Variants in SLC25A48 observed in about 807,000 individuals in gnomAD.
SLC25A48 encodes the protein solute carrier family 25 member 48, also known as CTC-321K16.1.
A neutral mutation model predicts 32.2 loss-of-function variants in SLC25A48; 29 were observed. The observed-to-expected ratio is 0.90, with a 90% CI of 0.67 to 1.23. The LOEUF is 1.23. SLC25A48 is among the 50% of genes most tolerant of loss of function. SLC25A48 has a pLI of 0.00. For synonymous variants in SLC25A48, 164 were observed against 172.3 expected, an observed-to-expected ratio of 0.95 and a Z score of 0.38; for missense variants, 399 against 422.7, an observed-to-expected ratio of 0.94 and a Z score of 0.49.
At chr5:135,879,915 C>A in intron 6 of SLC25A48, 53 bp from the exon 7 acceptor site, 3 of 1,526,914 alleles carry the variant, frequency 2.0e-6, no homozygotes, top group Admixed American at 2.0e-5. Context: ...TCCTTGGTGG[C>A]CCTGCAGAGA....
intron 3 of SLC25A48, among the ~76,000 whole-genome samples, chr5:135,801,811 C>A (rs1020454248): frequency 3.3e-5 from 5 of 151,646 alleles, no homozygotes; most frequent in Admixed American, 6.6e-5. Flanking sequence ...CCCAATACTG[C>A]AGAGGGTGTA....
intron 3 of SLC25A48, among the ~76,000 whole-genome samples, chr5:135,636,025 C>G (rs1305397354): frequency 6.6e-6 from 1 of 152,120 alleles, no homozygotes; most frequent in Non-Finnish European, 1.5e-5. Flanking sequence ...TTTCTGGTTC[C>G]TATTTCTACA....
At chr5:135,772,347 A>T (rs1756434679) in intron 3 of SLC25A48, among the ~76,000 whole-genome samples, 1 of 151,008 alleles carries the variant, frequency 6.6e-6, no homozygotes, top group South Asian at 2.1e-4. Flanking sequence ...AGAGATGATC[A>T]TATTACTCCC....
chr5:135,886,954 C>A (rs1762759543), intron 7 of SLC25A48, among the ~76,000 whole-genome samples: 1 of 151,746 alleles, frequency 6.6e-6, no homozygotes, highest in Non-Finnish European at 1.5e-5. Context: ...TTTGCCTTAC[C>A]AGGAAAGATG....
intron 1 of SLC25A48, among the ~76,000 whole-genome samples, chr5:135,603,267 G>T (rs1265353150): frequency 6.6e-6 from 1 of 152,202 alleles, no homozygotes; most frequent in East Asian, 1.9e-4. Context: ...AATCCTTTTA[G>T]GAATTCCAGA....
intron 3 of SLC25A48, among the ~76,000 whole-genome samples, chr5:135,749,738 C>T (rs1377976726): frequency 1.3e-5 from 2 of 152,104 alleles, no homozygotes; most frequent in East Asian, 3.9e-4. Flanking sequence ...ATTAGAGGCG[C>T]ACACCACCAC....
At chr5:135,748,568 C>CCTG (rs1277994684) in intron 3 of SLC25A48, among the ~76,000 whole-genome samples, 4 of 151,918 alleles carry the variant, frequency 2.6e-5, no homozygotes, top group Admixed American at 2.0e-4. Flanking sequence ...GCCACCGTGC[C>CCTG]CTGCTGCAAG....
intron 5 of SLC25A48, among the ~76,000 whole-genome samples, chr5:135,873,445 G>A (rs1761817696): frequency 6.6e-6 from 1 of 152,132 alleles, no homozygotes; most frequent in Non-Finnish European, 1.5e-5. Context: ...AAAGAAAAGA[G>A]ATTTTTCAAA....
At chr5:135,764,940 C>T (rs1341163569) in intron 3 of SLC25A48, among the ~76,000 whole-genome samples, 1 of 151,526 alleles carries the variant, frequency 6.6e-6, no homozygotes. Flanking sequence ...AATGATAGTA[C>T]TCCCCATATC....
intron 2 of SLC25A48, among the ~76,000 whole-genome samples, chr5:135,844,382 C>G (rs994705378): frequency 9.2e-5 from 14 of 152,224 alleles, no homozygotes; most frequent in Non-Finnish European, 1.0e-4. Context: ...TGGCAATTCT[C>G]ACCCTCCCAA....
At chr5:135,863,556 G>A (rs1169401644) in intron 4 of SLC25A48, among the ~76,000 whole-genome samples, 1 of 152,194 alleles carries the variant, frequency 6.6e-6, no homozygotes, top group African/African-American at 2.4e-5. Context: ...ACTAATAACT[G>A]CAGTTAAAAT....
intron 3 of SLC25A48, among the ~76,000 whole-genome samples, chr5:135,800,903 G>T (rs1258841252): frequency 1.3e-5 from 2 of 151,276 alleles, no homozygotes; most frequent in African/African-American, 4.9e-5. Context: ...TATCGCAGGG[G>T]CGTGTACACC....
intron 2 of SLC25A48, among the ~76,000 whole-genome samples, chr5:135,846,497 A>G (rs921643720): frequency 6.6e-5 from 10 of 152,172 alleles, no homozygotes; most frequent in African/African-American, 1.9e-4. Flanking sequence ...GGTCAGGGGC[A>G]GGCCAGGCAG....
At chr5:135,666,346 A>G (rs1753524684) in intron 3 of SLC25A48, among the ~76,000 whole-genome samples, 1 of 152,232 alleles carries the variant, frequency 6.6e-6, no homozygotes. Context: ...ATTTTAGACC[A>G]GGAAATAGTG....
rs1445768960 is a variant in SLC25A48, at chr5:135,792,933, ATAT to A, written c.-520-19585_-520-19583del. Among the ~76,000 whole-genome samples, 5 of 151,706 alleles carry A rather than the reference ATAT, an allele frequency of 3.3e-5. No individual in the cohort carries two copies. In the East Asian group the frequency reaches 7.7e-4, roughly 23 times the overall value. ...ATATGGTTCGTAATATCCTGGAAAG[ATAT>A]TATTCATTATGTCACAGTGGATATA... On this transcript the variant is annotated intron_variant, in intron 3 of 10. Coordinates refer to the SLC25A48 transcript ENST00000646290.
At chr5:135,782,908 G>A (rs1389502195) in intron 3 of SLC25A48, among the ~76,000 whole-genome samples, 1 of 102,742 alleles carries the variant, frequency 9.7e-6, no homozygotes, top group African/African-American at 2.7e-5. Context: ...AATCCAGGGG[G>A]TGAGAAGATG....
intron 3 of SLC25A48, among the ~76,000 whole-genome samples, chr5:135,700,371 C>CAAAAAAAAAAAAAAAAAAAAA (rs34125451): frequency 4.4e-5 from 3 of 67,966 alleles, no homozygotes; most frequent in Non-Finnish European, 5.1e-5. Context: ...GACTCTGTCT[C>CAAAAAAAAAAAAAAAAAAAAA]AAAAAAAAAA....
chr5:135,647,526 A>G (rs1413837439), intron 3 of SLC25A48, among the ~76,000 whole-genome samples: 1 of 152,104 alleles, frequency 6.6e-6, no homozygotes, highest in Non-Finnish European at 1.5e-5. Flanking sequence ...ATTAGGGCCT[A>G]GGGTCCTAAT....
At chr5:135,669,422 G>C (rs546966895) in intron 3 of SLC25A48, among the ~76,000 whole-genome samples, 73 of 152,168 alleles carry the variant, frequency 4.8e-4, no homozygotes, top group South Asian at 2.9e-3. Context: ...CACCTATCTG[G>C]GGGGAGGGAT....
Sources: gnomAD v4.1 joint callset for allele counts (sites outside exome capture counted in the v4.1 genomes callset) on GRCh38, gnomAD v4.1.1 for gene constraint, MANE v1.5 for transcripts, NCBI Gene and HGNC (gene_info 2026-07-23, HGNC 2026-07-21) for gene names.